COL4A5: variants seen among roughly 807,000 people sequenced by gnomAD.
COL4A5 encodes collagen type IV alpha 5 chain, also known as collagen alpha-5(IV) chain.
In COL4A5, 26 loss-of-function variants were observed where a neutral mutation model predicts 130.2. The observed-to-expected ratio is 0.20, with a 90% CI of 0.15 to 0.28. COL4A5 has a LOEUF of 0.28. COL4A5 is among the 10% of genes least tolerant of loss of function. The pLI is 1.00. For synonymous variants in COL4A5, 496 were observed against 439.6 expected (o/e 1.13, Z -1.60); for missense variants, 1,131 against 1,344.3 (o/e 0.84, Z 2.48).
chrX:108,690,325 C>T (rs934271406), intron 49 of COL4A5, among the ~76,000 whole-genome samples: 5 of 111,314 alleles, frequency 4.5e-5, no homozygotes, highest in African/African-American at 6.5e-5. Flanking sequence ...TTTTTCTTAA[C>T]GAGTTTTTGA....
In COL4A5 at chrX:108,559,076, T is replaced by A. The variant is rs2065867776; in HGVS notation, c.154T>A (p.Phe52Ile). 8.3e-7 allele frequency: 1 copy of A among 1,209,331 alleles called. No homozygotes were observed. Among genetic ancestry groups the A allele is most frequent in the Admixed American group, 2.2e-5 (1 of 45,953 alleles). ...GIKGEKGERG[F>I]PGLEGHPGLP... Reference sequence around the variant, plus strand: ...CATTTAATTGCAGGGAGAGAGAGGGTTTCCAGGTTTGGAAGGACACCCAGG... The same window carrying A: ...CATTTAATTGCAGGGAGAGAGAGGGATTCCAGGTTTGGAAGGACACCCAGG... The change falls in exon 3 of 53, where the codon TTT (phenylalanine) becomes ATT (isoleucine). Residue 52 changes from phenylalanine to isoleucine, a missense_variant. Transcript: ENST00000328300.
chrX:108,682,976 A>G (rs911261304), intron 47 of COL4A5, among the ~76,000 whole-genome samples: 6 of 111,924 alleles, frequency 5.4e-5, no homozygotes, highest in Non-Finnish European at 9.4e-5. Context: ...GTCCATGCCT[A>G]TGTCCTGAAT....
At chrX:108,531,783 A>G (rs778191944) in intron 1 of COL4A5, among the ~76,000 whole-genome samples, 5 of 111,953 alleles carry the variant, frequency 4.5e-5, no homozygotes, top group African/African-American at 1.3e-4. Context: ...AAAATACACA[A>G]GATCATCAGA....
chrX:108,551,771 A>G (rs752345225), intron 2 of COL4A5, among the ~76,000 whole-genome samples: 1 of 112,155 alleles, frequency 8.9e-6, no homozygotes, highest in East Asian at 2.8e-4. Flanking sequence ...TCATATGTTC[A>G]TCACAGCACT....
intron 52 of COL4A5, chrX:108,695,849 C>T (rs747451640): frequency 8.6e-6 from 2 of 232,462 alleles, no homozygotes; most frequent in African/African-American, 2.9e-5. Context: ...GCAAGACATA[C>T]GTAATGTATG....
At chrX:108,670,268 A>G in intron 42 of COL4A5, 32 bp downstream of exon 42, 1 of 1,209,299 alleles carries the variant, frequency 8.3e-7, no homozygotes. Context: ...TAGTAACTGC[A>G]TGAAGTTTGA....
chrX:108,440,425 G>A (rs1428514910), intron 1 of COL4A5: 2 of 410,753 alleles, frequency 4.9e-6, no homozygotes, highest in Non-Finnish European at 8.5e-6. Flanking sequence ...AGGGCTGCTT[G>A]CTTCCCTGCA....
At chrX:108,585,289 C>T (rs766229582) in intron 18 of COL4A5, among the ~76,000 whole-genome samples, 1 of 111,866 alleles carries the variant, frequency 8.9e-6, no homozygotes, top group Non-Finnish European at 1.9e-5. Context: ...TAACTTAATT[C>T]GTATTATCCA....
chrX:108,581,367 G>A (rs1372838271), intron 16 of COL4A5, among the ~76,000 whole-genome samples: 1 of 111,321 alleles, frequency 9.0e-6, no homozygotes, highest in Admixed American at 9.6e-5. Flanking sequence ...ATAAATTTGA[G>A]GTTCCTCTAT....
At chrX:108,497,412 C>T (rs1371023763) in intron 1 of COL4A5, among the ~76,000 whole-genome samples, 1 of 111,235 alleles carries the variant, frequency 9.0e-6, no homozygotes, top group Admixed American at 9.6e-5. Context: ...GATGTGGTAA[C>T]TCTATGTGTA....
chrX:108,656,405 G>A (rs904486345), intron 37 of COL4A5, among the ~76,000 whole-genome samples: 1 of 111,931 alleles, frequency 8.9e-6, no homozygotes, highest in Non-Finnish European at 1.9e-5. Context: ...ACATTCCCCT[G>A]TTGATGGACT....
chrX:108,595,785 A>G, intron 22 of COL4A5, among the ~76,000 whole-genome samples, 184 bp downstream of exon 22: 1 of 112,850 alleles, frequency 8.9e-6, no homozygotes, highest in Non-Finnish European at 1.9e-5. Context: ...ACCTGAAGCT[A>G]CCAATATATT....
chrX:108,626,385 A>G, intron 36 of COL4A5, 36 bp downstream of exon 36: 2 of 1,207,015 alleles, frequency 1.7e-6, no homozygotes, highest in Non-Finnish European at 2.2e-6. Flanking sequence ...CACATACTTG[A>G]GCAGATATGA....
chrX:108,627,200 CTG>C, intron 36 of COL4A5: 2 of 616,071 alleles, frequency 3.2e-6, no homozygotes, highest in South Asian at 1.7e-4. Context: ...TTAATTTTCT[CTG>C]TTATATTTAT....
At chrX:108,573,001 G>A (rs917343124) in intron 8 of COL4A5, among the ~76,000 whole-genome samples, 1 of 110,808 alleles carries the variant, frequency 9.0e-6, no homozygotes, top group Admixed American at 9.6e-5. Flanking sequence ...GGTTTACTTT[G>A]CCTAATATTC....
At chrX:108,491,294 A>G (rs2064991519) in intron 1 of COL4A5, among the ~76,000 whole-genome samples, 1 of 111,620 alleles carries the variant, frequency 9.0e-6, no homozygotes, top group Non-Finnish European at 1.9e-5. Flanking sequence ...CAGCTGAGGA[A>G]TGGCTAGAGT....
chrX:108,449,675 G>T (rs2064488559), intron 1 of COL4A5, among the ~76,000 whole-genome samples: 1 of 111,838 alleles, frequency 8.9e-6, no homozygotes. Flanking sequence ...CTAAGATTCA[G>T]TGTCTGGTGA....
intron 1 of COL4A5, among the ~76,000 whole-genome samples, chrX:108,536,865 T>G (rs1761452672): frequency 8.9e-6 from 1 of 111,834 alleles, no homozygotes; most frequent in South Asian, 3.7e-4. Context: ...AGTATGGAAA[T>G]GATTTGTCCA....
At chrX:108,667,009 T>G (rs764895710) in intron 39 of COL4A5, 124 bp from the exon 40 acceptor site, 1 of 571,487 alleles carries the variant, frequency 1.7e-6, no homozygotes, top group African/African-American at 2.2e-5. Flanking sequence ...ATCTTCTGCA[T>G]GTTTCATATA....
Sources: gnomAD v4.1 joint callset for allele counts (sites outside exome capture counted in the v4.1 genomes callset) on GRCh38, gnomAD v4.1.1 for gene constraint, MANE v1.5 for transcripts, NCBI Gene and HGNC (gene_info 2026-07-23, HGNC 2026-07-21) for gene names.